HS6ST3: variants seen among roughly 807,000 people sequenced by gnomAD.
HS6ST3 encodes the protein heparan-sulfate 6-O-sulfotransferase 3.
In HS6ST3, 12 loss-of-function variants were observed where a neutral mutation model predicts 36.7. The ratio of observed to expected loss-of-function variants is 0.33; its 90% CI spans 0.21 to 0.53. HS6ST3 has a LOEUF of 0.53. Ranked by LOEUF, HS6ST3 falls within the 20% of genes least tolerant of loss-of-function variation. The pLI, the probability that HS6ST3 is intolerant of heterozygous loss-of-function variation, is 0.95. For synonymous variants in HS6ST3, 240 were observed against 257.5 expected (o/e 0.93, Z 0.65); for missense variants, 584 against 640.9 (o/e 0.91, Z 0.96).
intron 1 of HS6ST3, among the ~76,000 whole-genome samples, chr13:96,633,185 T>C (rs1289298218): frequency 6.6e-6 from 1 of 152,118 alleles, no homozygotes; most frequent in Non-Finnish European, 1.5e-5. Flanking sequence ...ACGGTGTTCC[T>C]TGGACTTCGG....
intron 1 of HS6ST3, among the ~76,000 whole-genome samples, chr13:96,409,936 G>A (rs1052136716): frequency 3.9e-5 from 6 of 152,054 alleles, no homozygotes; most frequent in Non-Finnish European, 8.8e-5. Flanking sequence ...AAATTTTAGT[G>A]GGAAAAAAGT....
At chr13:96,608,806 G>A (rs554388554) in intron 1 of HS6ST3, among the ~76,000 whole-genome samples, 1 of 152,162 alleles carries the variant, frequency 6.6e-6, no homozygotes, top group Non-Finnish European at 1.5e-5. Flanking sequence ...ATTTTGGTGA[G>A]GGGAACAGAG....
intron 1 of HS6ST3, among the ~76,000 whole-genome samples, chr13:96,384,020 A>T (rs2055355116): frequency 6.6e-6 from 1 of 152,146 alleles, no homozygotes; most frequent in Non-Finnish European, 1.5e-5. Flanking sequence ...AATGGCTCCC[A>T]GGGGCGCTTG....
At chr13:96,823,116 T>C (rs1878571022) in intron 1 of HS6ST3, among the ~76,000 whole-genome samples, 1 of 152,224 alleles carries the variant, frequency 6.6e-6, no homozygotes, top group Non-Finnish European at 1.5e-5. Context: ...AGCCATGCTC[T>C]CTGTGCCCCA....
chr13:96,658,755 G>A (rs1348822307), intron 1 of HS6ST3, among the ~76,000 whole-genome samples: 1 of 151,338 alleles, frequency 6.6e-6, no homozygotes, highest in East Asian at 1.9e-4. Flanking sequence ...GCCCAGGCTG[G>A]AGTGCAATGG....
rs916954026 is a variant in HS6ST3, at chr13:96,220,588, A to T, written c.707+129019A>T. ...TTTTGATGATCTGTTTCATGTGGAC[A>T]CTGTCTTTAAAAAATTTAAGAAACT... On this transcript the variant is annotated intron_variant, in intron 1 of 1. Coordinates refer to ENST00000376705, the MANE Select transcript of HS6ST3 (RefSeq NM_153456.4). Among the ~76,000 whole-genome samples, 5 of 152,264 alleles carry T rather than the reference A, an allele frequency of 3.3e-5. No homozygotes were observed. The Middle Eastern group carries it at 0.01, about 311-fold the overall frequency.
chr13:96,826,830 C>T (rs1470764782), intron 1 of HS6ST3, among the ~76,000 whole-genome samples: 1 of 152,146 alleles, frequency 6.6e-6, no homozygotes, highest in Non-Finnish European at 1.5e-5. Flanking sequence ...CCTTGATGGC[C>T]TATATTATAA....
chr13:96,369,768 A>T (rs1459262785), intron 1 of HS6ST3, among the ~76,000 whole-genome samples: 1 of 152,146 alleles, frequency 6.6e-6, no homozygotes, highest in Non-Finnish European at 1.5e-5. Context: ...CCCCCTCTGA[A>T]GAAAGGGAGG....
chr13:96,417,652 G>T (rs1473315833), intron 1 of HS6ST3, among the ~76,000 whole-genome samples: 2 of 112,586 alleles, frequency 1.8e-5, no homozygotes. Flanking sequence ...ATATATACAT[G>T]TATATATGTA....
chr13:96,707,355 T>C (rs910805721), intron 1 of HS6ST3, among the ~76,000 whole-genome samples: 10 of 152,234 alleles, frequency 6.6e-5, no homozygotes, highest in African/African-American at 2.4e-4. Context: ...GATCTCAGAC[T>C]TGTAGCCTTC....
intron 1 of HS6ST3, among the ~76,000 whole-genome samples, chr13:96,130,601 C>G (rs1034600646): frequency 6.6e-6 from 1 of 152,160 alleles, no homozygotes; most frequent in Non-Finnish European, 1.5e-5. Flanking sequence ...ACATACCTAA[C>G]CAATCATTGT....
At chr13:96,283,028 C>A (rs1014047384) in intron 1 of HS6ST3, among the ~76,000 whole-genome samples, 3 of 152,172 alleles carry the variant, frequency 2.0e-5, no homozygotes, top group Admixed American at 6.5e-5. Flanking sequence ...AGTAACCTGG[C>A]TGACATCTCT....
chr13:96,220,103 A>G (rs2054448152), intron 1 of HS6ST3, among the ~76,000 whole-genome samples: 1 of 152,202 alleles, frequency 6.6e-6, no homozygotes, highest in African/African-American at 2.4e-5. Context: ...TTGGAGATAG[A>G]CAAAGCAGAC....
At chr13:96,510,471 G>GAA (rs1218629422) in intron 1 of HS6ST3, among the ~76,000 whole-genome samples, 7 of 152,224 alleles carry the variant, frequency 4.6e-5, no homozygotes, top group Admixed American at 2.0e-4. Flanking sequence ...CCTGGTGCTG[G>GAA]GGAATGTCTG....
chr13:96,583,046 C>G (rs1488936407), intron 1 of HS6ST3, among the ~76,000 whole-genome samples: 1 of 151,996 alleles, frequency 6.6e-6, no homozygotes, highest in African/African-American at 2.4e-5. Flanking sequence ...TCCTATTTCT[C>G]TAGAACCCCA....
intron 1 of HS6ST3, among the ~76,000 whole-genome samples, chr13:96,151,050 A>G (rs896817114): frequency 6.6e-6 from 1 of 152,218 alleles, no homozygotes; most frequent in Admixed American, 6.5e-5. Context: ...GCCTACCAAC[A>G]GGAAATTGAT....
At chr13:96,580,282 G>A (rs1186176359) in intron 1 of HS6ST3, among the ~76,000 whole-genome samples, 1 of 149,968 alleles carries the variant, frequency 6.7e-6, no homozygotes, top group Non-Finnish European at 1.5e-5. Flanking sequence ...ATATTAACAT[G>A]AGCCTTTCCT....
At chr13:96,488,686 T>G (rs1375452727) in intron 1 of HS6ST3, among the ~76,000 whole-genome samples, 2 of 152,114 alleles carry the variant, frequency 1.3e-5, no homozygotes, top group Non-Finnish European at 2.9e-5. Flanking sequence ...GTCAGTCAAA[T>G]TATCTTGTAC....
intron 1 of HS6ST3, among the ~76,000 whole-genome samples, chr13:96,347,649 A>G (rs999544636): frequency 2.0e-5 from 3 of 152,228 alleles, no homozygotes; most frequent in South Asian, 2.1e-4. Context: ...GTGATGCCAC[A>G]TTGTTTTTGG....
Sources: gnomAD v4.1 joint callset for allele counts (sites outside exome capture counted in the v4.1 genomes callset) on GRCh38, gnomAD v4.1.1 for gene constraint, MANE v1.5 for transcripts, NCBI Gene and HGNC (gene_info 2026-07-23, HGNC 2026-07-21) for gene names.